Variants in CMIP observed in about 807,000 individuals in gnomAD.
CMIP encodes c-Maf inducing protein.
A neutral mutation model predicts 97.3 loss-of-function variants in CMIP; 13 were observed. The observed-to-expected ratio is 0.13, with a 90% CI of 0.09 to 0.21. The LOEUF is 0.21. CMIP is among the 10% of genes least tolerant of loss of function. The pLI, the probability that CMIP is intolerant of heterozygous loss-of-function variation, is 1.00. For missense variants in CMIP, 847 were observed against 1,024.9 expected (o/e 0.83, Z 2.37); for synonymous variants, 538 against 436.3 (o/e 1.23, Z -2.91).
intron 1 of CMIP, among the ~76,000 whole-genome samples, chr16:81,559,466 G>T (rs948636372): frequency 1.5e-4 from 23 of 152,202 alleles, no homozygotes; most frequent in African/African-American, 5.5e-4. Flanking sequence ...TTCAGGTAAG[G>T]ACAGAGAAGA....
intron 1 of CMIP, among the ~76,000 whole-genome samples, chr16:81,542,320 C>G (rs902989186): frequency 1.4e-4 from 21 of 152,096 alleles, no homozygotes; most frequent in African/African-American, 5.1e-4. Flanking sequence ...GCTCGGACAC[C>G]CCACCAGTGC....
intron 1 of CMIP, among the ~76,000 whole-genome samples, chr16:81,567,246 CTG>C (rs1398522336): frequency 1.3e-5 from 2 of 152,284 alleles, no homozygotes; most frequent in African/African-American, 2.4e-5. Context: ...GGAGCTTGTG[CTG>C]CTCTCAGGGC....
intron 13 of CMIP, 171 bp from the exon 14 acceptor site, chr16:81,696,389 C>G: frequency 1.5e-6 from 1 of 674,828 alleles, no homozygotes; most frequent in Non-Finnish European, 2.6e-6. Context: ...TCCCGAAAGA[C>G]CTTTCATGGC....
chr16:81,552,168 G>C (rs2090672283), intron 1 of CMIP, among the ~76,000 whole-genome samples: 1 of 152,172 alleles, frequency 6.6e-6, no homozygotes, highest in African/African-American at 2.4e-5. Context: ...GCAGGGAGTT[G>C]GAATCCTCCC....
At chr16:81,650,726 C>A (rs180838276) in intron 3 of CMIP, among the ~76,000 whole-genome samples, 1 of 152,150 alleles carries the variant, frequency 6.6e-6, no homozygotes. Context: ...CTTTTGAATG[C>A]GGCTCCATAG....
At chr16:81,449,437 C>A (rs1906068395) in intron 1 of CMIP, among the ~76,000 whole-genome samples, 1 of 152,230 alleles carries the variant, frequency 6.6e-6, no homozygotes. Flanking sequence ...TGCATGCCTA[C>A]TGTGTGTCAC....
chr16:81,638,093 C>G (rs143600816), intron 3 of CMIP, among the ~76,000 whole-genome samples: 17 of 152,318 alleles, frequency 1.1e-4, no homozygotes, highest in African/African-American at 3.8e-4. Flanking sequence ...CAGAGCTTAG[C>G]ACTTGGCTTG....
intron 1 of CMIP, among the ~76,000 whole-genome samples, chr16:81,469,663 G>A (rs1266739065): frequency 1.3e-5 from 2 of 152,226 alleles, no homozygotes; most frequent in African/African-American, 2.4e-5. Flanking sequence ...TGCCTGAACT[G>A]TGGATTCACA....
chr16:81,696,799 A>G, intron 14 of CMIP, 132 bp downstream of exon 14: 4 of 767,224 alleles, frequency 5.2e-6, no homozygotes, highest in Non-Finnish European at 6.2e-6. Context: ...GCTGATCATG[A>G]AGGTGGTGGT....
rs13330460 is a variant in CMIP at position 81,453,804 on chromosome 16, C to G, written c.300+8263C>G. ...TGCCCTCCCCTAGGTCCTTCATTGT[C>G]AGGGGGATGGGGAAAGAGTGAGCAC... On this transcript the variant is annotated intron_variant, in intron 1 of 20. Coordinates refer to ENST00000537098, the MANE Select transcript of CMIP (RefSeq NM_198390.3). This position sits in a 1 kb window ranked among gnomAD's most constrained non-coding sequence, Gnocchi z 4.0. 3.0e-3 allele frequency among the ~76,000 whole-genome samples: 457 copies of G among 152,310 alleles called. 1 individual carries two copies. Among genetic ancestry groups the G allele is most frequent in the African/African-American group, 0.01 (429 of 41,566 alleles).
At chr16:81,649,799 T>C (rs1017506817) in intron 3 of CMIP, among the ~76,000 whole-genome samples, 1 of 146,514 alleles carries the variant, frequency 6.8e-6, no homozygotes, top group African/African-American at 2.5e-5. Context: ...TGGGGCTTGA[T>C]ATAGGGTGGA....
At chr16:81,601,547 A>AT (rs1039487468) in intron 1 of CMIP, among the ~76,000 whole-genome samples, 2 of 151,718 alleles carry the variant, frequency 1.3e-5, no homozygotes, top group African/African-American at 4.8e-5. Flanking sequence ...TCTAGGCCCT[A>AT]TTTTTTCCAG....
intron 1 of CMIP, among the ~76,000 whole-genome samples, chr16:81,569,456 A>G (rs1212943387): frequency 6.6e-6 from 1 of 152,224 alleles, no homozygotes; most frequent in Non-Finnish European, 1.5e-5. Context: ...CCAGAGGGAC[A>G]TGGCACTGGC....
chr16:81,501,111 C>G (rs1446526686), intron 1 of CMIP, among the ~76,000 whole-genome samples: 3 of 152,244 alleles, frequency 2.0e-5, no homozygotes, highest in Non-Finnish European at 2.9e-5. Flanking sequence ...TACTGAGAAT[C>G]TGAAACTTCA....
intron 3 of CMIP, among the ~76,000 whole-genome samples, chr16:81,624,129 G>GA (rs5818342): frequency 2.5e-3 from 366 of 143,712 alleles, no homozygotes; most frequent in Middle Eastern, 7.1e-3. Context: ...GTCTTTAACT[G>GA]AAAAAAAAAA....
chr16:81,562,045 G>A (rs563001954), intron 1 of CMIP, among the ~76,000 whole-genome samples: 133 of 152,292 alleles, frequency 8.7e-4, no homozygotes, highest in Non-Finnish European at 1.2e-3. Flanking sequence ...TGGTAAAGAG[G>A]GCAGGACACA....
At chr16:81,496,087 A>T (rs774815337) in intron 1 of CMIP, among the ~76,000 whole-genome samples, 1 of 152,190 alleles carries the variant, frequency 6.6e-6, no homozygotes, top group Non-Finnish European at 1.5e-5. Flanking sequence ...AATCCAGGGT[A>T]GCAAGTGTAG....
Position 81,711,578 on chromosome 16 carries a change from A to T in CMIP, c.*1779A>T, listed in dbSNP as rs868197023. The T allele has an allele frequency of 2.0e-4, 29 of 144,414 alleles. No individual in the cohort carries two copies. The highest frequency in any genetic ancestry group is 7.3e-4 in the Admixed American group (10 of 13,672). The allele number at this position is 144,414 out of a possible 1,614,324, so 8.9% of individuals were successfully genotyped here. A position where few individuals can be genotyped will look rare whatever the true frequency, so the allele number is the denominator to read the frequency against. ...GGGAAGAAGCAGAAGCAAAAAAAAT[A>T]AAAATAAAAAAATAAATAAAAATAA... On this transcript the variant is annotated 3_prime_UTR_variant, in exon 21 of 21. Transcript: ENST00000537098.
intron 1 of CMIP, among the ~76,000 whole-genome samples, chr16:81,577,058 C>A (rs2091202577): frequency 7.5e-6 from 1 of 133,338 alleles, no homozygotes; most frequent in Non-Finnish European, 1.6e-5. Context: ...ATAACCATCA[C>A]CTTTATCACC....
Sources: gnomAD v4.1 joint callset for allele counts (sites outside exome capture counted in the v4.1 genomes callset) on GRCh38, gnomAD v4.1.1 for gene constraint, Gnocchi (gnomAD v3.1) non-coding constraint, MANE v1.5 for transcripts, NCBI Gene and HGNC (gene_info 2026-07-23, HGNC 2026-07-21) for gene names.